Variants in ATP8B4 observed in about 807,000 individuals in gnomAD.
ATP8B4 encodes probable phospholipid-transporting ATPase IM.
Under a neutral mutation model 145.6 loss-of-function variants are expected in ATP8B4, and 133 were observed. That is an observed-to-expected ratio of 0.91 (90% CI 0.79 to 1.05). The LOEUF (loss-of-function observed/expected upper bound fraction) is 1.05. Ranked by LOEUF, ATP8B4 falls within the 50% of genes least tolerant of loss-of-function variation. The pLI is 0.00. For missense variants in ATP8B4, 1,458 were observed against 1,425.2 expected, an observed-to-expected ratio of 1.02 and a Z score of -0.37; for synonymous variants, 507 against 492.9, an observed-to-expected ratio of 1.03 and a Z score of -0.38.
Position 50,010,878 on chromosome 15 carries a change from G to T in ATP8B4, c.402C>A (p.Asp134Glu). The change falls in exon 7 of 28, where the codon GAC becomes GAA. Residue 134 changes from aspartate to glutamate, a missense_variant. Coordinates refer to ENST00000284509, the MANE Select transcript of ATP8B4 (RefSeq NM_024837.4). ...ATTGGTTATTTTCTAATTTAATGAT[G>T]TCTCCCACTTTGACATTCATCCATT... ...NEKWMNVKVG[D>E]IIKLENNQFV... 1 of 1,561,862 alleles carries T rather than the reference G, an allele frequency of 6.4e-7. No individual in the cohort carries two copies.
intron 3 of ATP8B4, among the ~76,000 whole-genome samples, chr15:50,070,696 T>C (rs1051533786): frequency 3.9e-5 from 6 of 152,136 alleles, no homozygotes; most frequent in African/African-American, 1.2e-4. Flanking sequence ...TGCCAACCCA[T>C]AGTGGAATTT....
chr15:50,038,747 C>G, intron 6 of ATP8B4, 21 bp downstream of exon 6: 3 of 1,595,858 alleles, frequency 1.9e-6, no homozygotes, highest in Non-Finnish European at 2.6e-6. Context: ...TTCAGAATAA[C>G]CCACAGAATG....
chr15:49,916,501 G>C (rs1461371767), intron 20 of ATP8B4, among the ~76,000 whole-genome samples: 4 of 152,024 alleles, frequency 2.6e-5, no homozygotes, highest in Non-Finnish European at 5.9e-5. Flanking sequence ...GCTTCATCTA[G>C]GTGCTTATTA....
At chr15:49,934,313 G>T (rs2041545579) in intron 14 of ATP8B4, 131 bp from the exon 15 acceptor site, 1 of 1,015,176 alleles carries the variant, frequency 9.9e-7, no homozygotes, top group Non-Finnish European at 1.4e-6. Flanking sequence ...GCACTAAAAT[G>T]GCTGTTTCAT....
At chr15:49,926,874 T>C (rs2040771304) in intron 16 of ATP8B4, among the ~76,000 whole-genome samples, 1 of 151,924 alleles carries the variant, frequency 6.6e-6, no homozygotes, top group Admixed American at 6.6e-5. Context: ...ATATCGCCGC[T>C]GTTCATACAT....
chr15:49,869,011 C>T (rs1254512938), intron 25 of ATP8B4, among the ~76,000 whole-genome samples: 6 of 152,166 alleles, frequency 3.9e-5, no homozygotes, highest in South Asian at 4.2e-4. Flanking sequence ...TGGGTTCAAG[C>T]GATTCTCCTG....
chr15:50,114,834 C>T (rs1448252436), intron 1 of ATP8B4, among the ~76,000 whole-genome samples: 2 of 152,148 alleles, frequency 1.3e-5, no homozygotes, highest in Non-Finnish European at 2.9e-5. Context: ...ATTTTTTTAA[C>T]TCTCCACATG....
In ATP8B4 at chr15:49,915,834, G is replaced by GTT. The variant is rs76351737; in HGVS notation, c.2141+1098_2141+1099dup. 2.6e-3 allele frequency among the ~76,000 whole-genome samples: 374 copies of GTT among 141,502 alleles called. 1 individual carries two copies. The highest frequency in any genetic ancestry group is 8.1e-3 in the African/African-American group (313 of 38,848). 92.8% of individuals were successfully genotyped at this position (141,502 alleles called of 152,430 possible). A position where few individuals can be genotyped will look rare whatever the true frequency, so the allele number is the denominator to read the frequency against. On this transcript the variant is annotated intron_variant, in intron 20 of 27. Coordinates refer to ENST00000284509, the MANE Select transcript of ATP8B4 (RefSeq NM_024837.4). ...GTTTCTAACCAGCACGATATAGCAG[G>GTT]TTTTTTTTTTTTTTTTAACTGCAGG...
intron 13 of ATP8B4, among the ~76,000 whole-genome samples, chr15:49,968,321 A>G (rs566776003): frequency 6.6e-6 from 1 of 152,224 alleles, no homozygotes; most frequent in Non-Finnish European, 1.5e-5. Context: ...ATTAAAAGAC[A>G]CACTGGCAAA....
intron 7 of ATP8B4, among the ~76,000 whole-genome samples, chr15:50,004,294 C>T (rs1234789723): frequency 6.6e-6 from 1 of 152,198 alleles, no homozygotes. Context: ...GTCATGCAGG[C>T]AGGCCTATTT....
At chr15:50,128,003 T>C (rs560849067) in intron 1 of ATP8B4, among the ~76,000 whole-genome samples, 2 of 152,328 alleles carry the variant, frequency 1.3e-5, no homozygotes, top group East Asian at 3.9e-4. Flanking sequence ...GAGCTACTTC[T>C]TGTGCAACCC....
chr15:50,079,360 A>G (rs1297883908), intron 2 of ATP8B4, among the ~76,000 whole-genome samples: 2 of 152,240 alleles, frequency 1.3e-5, no homozygotes, highest in African/African-American at 4.8e-5. Flanking sequence ...GATAATAAAA[A>G]TAGCTAATCC....
At chr15:49,957,206 G>A (rs1397300391) in intron 14 of ATP8B4, among the ~76,000 whole-genome samples, 1 of 151,986 alleles carries the variant, frequency 6.6e-6, no homozygotes, top group Non-Finnish European at 1.5e-5. Context: ...ATGAGGAAAC[G>A]AAAGAGAAAT....
chr15:50,137,147 AT>A (rs2044133516), intron 1 of ATP8B4, among the ~76,000 whole-genome samples: 1 of 152,166 alleles, frequency 6.6e-6, no homozygotes, highest in African/African-American at 2.4e-5. Flanking sequence ...GCTAGCACTG[AT>A]TTAACGTCAA....
intron 14 of ATP8B4, among the ~76,000 whole-genome samples, chr15:49,953,830 C>A (rs1233819793): frequency 6.6e-6 from 1 of 152,158 alleles, no homozygotes; most frequent in Non-Finnish European, 1.5e-5. Context: ...CAAGTGGGAT[C>A]TTCTGATCAG....
intron 1 of ATP8B4, among the ~76,000 whole-genome samples, chr15:50,115,896 G>C (rs953671905): frequency 2.6e-5 from 4 of 152,286 alleles, no homozygotes; most frequent in East Asian, 3.9e-4. Context: ...TGCAGGTTGC[G>C]GGGAGACAGA....
intron 1 of ATP8B4, among the ~76,000 whole-genome samples, chr15:50,146,014 C>CTTTTTT (rs10624735): frequency 4.5e-5 from 6 of 133,466 alleles, no homozygotes; most frequent in Non-Finnish European, 4.7e-5. Flanking sequence ...TAAATGTTTA[C>CTTTTTT]TTTTTTTTTT....
At chr15:50,124,904 C>G (rs2057297661) in intron 1 of ATP8B4, among the ~76,000 whole-genome samples, 1 of 152,196 alleles carries the variant, frequency 6.6e-6, no homozygotes, top group Admixed American at 6.5e-5. Context: ...AGACTATTGG[C>G]AACTCTAGTT....
chr15:49,967,519 T>C (rs57878648), intron 13 of ATP8B4, among the ~76,000 whole-genome samples: 8,116 of 151,986 alleles, frequency 0.053, 749 homozygotes, highest in African/African-American at 0.19. Context: ...AGAAAGGATA[T>C]CAGAGAGATT....
Sources: allele counts gnomAD v4.1 joint callset (sites outside exome capture counted in the v4.1 genomes callset), GRCh38; gene constraint gnomAD v4.1.1; transcripts MANE v1.5; gene names NCBI Gene and HGNC (gene_info 2026-07-23, HGNC 2026-07-21).